The following ACBD6 variants were observed in gnomAD, a reference collection of about 807,000 sequenced individuals.
ACBD6 encodes acyl-CoA binding domain containing 6.
A neutral mutation model predicts 37.2 loss-of-function variants in ACBD6; 28 were observed. The observed-to-expected ratio is 0.75, with a 90% confidence interval of 0.56 to 1.03. The LOEUF is 1.03. ACBD6 is among the 50% of genes least tolerant of loss of function. The probability of loss-of-function intolerance (pLI) is 0.00; values close to 1 mark genes in which losing one functional copy is unlikely to be tolerated. For synonymous variants in ACBD6, 113 were observed against 126.8 expected, an observed-to-expected ratio of 0.89 and a Z score of 0.73; for missense variants, 340 against 337.4, an observed-to-expected ratio of 1.01 and a Z score of -0.06.
intron 3 of ACBD6, among the ~76,000 whole-genome samples, chr1:180,488,141 T>C (rs1651349067): frequency 6.6e-6 from 1 of 152,126 alleles, no homozygotes; most frequent in Admixed American, 6.6e-5. Flanking sequence ...TGTGTCTATG[T>C]GTAAAGAAAG....
intron 6 of ACBD6, among the ~76,000 whole-genome samples, chr1:180,347,294 C>T (rs990879312): frequency 1.3e-5 from 2 of 148,390 alleles, no homozygotes; most frequent in Admixed American, 6.7e-5. Context: ...TACGGCTACA[C>T]ATTTTAGAAG....
At chr1:180,316,512 A>G (rs979958965) in intron 6 of ACBD6, among the ~76,000 whole-genome samples, 5 of 152,158 alleles carry the variant, frequency 3.3e-5, no homozygotes, top group Non-Finnish European at 5.9e-5. Flanking sequence ...ACAATTATGT[A>G]TCTTTAGAAA....
intron 7 of ACBD6, among the ~76,000 whole-genome samples, chr1:180,306,013 C>A (rs1360963468): frequency 6.7e-6 from 1 of 150,004 alleles, no homozygotes; most frequent in Non-Finnish European, 1.5e-5. Flanking sequence ...AAACCAAACA[C>A]CGCATATTCT....
intron 1 of ACBD6, among the ~76,000 whole-genome samples, chr1:180,499,455 T>C (rs893932812): frequency 3.3e-5 from 5 of 152,218 alleles, no homozygotes; most frequent in Non-Finnish European, 5.9e-5. Context: ...ACATCCCTCC[T>C]TCATATTATC....
In ACBD6 at chr1:180,413,369, T is replaced by A; in HGVS notation, c.570A>T (p.Glu190Asp). Reference protein sequence around the residue: ...SKNVDVNVKDEEGRALLHWAC... With the variant: ...SKNVDVNVKDDEGRALLHWAC... ...TAACAGGGCATGTTTTTCATACCTCTTCATCTTTCACATTCACATCCACAT... is the reference window on the plus strand; with the variant it reads ...TAACAGGGCATGTTTTTCATACCTCATCATCTTTCACATTCACATCCACAT... Residue 190 changes from glutamate to aspartate, a missense_variant, in exon 5 of 8, where the codon GAA (glutamate) becomes GAT (aspartate). Transcript: ENST00000367595. The A allele has an allele frequency of 6.2e-7, 1 of 1,611,922 alleles. No individual in the cohort carries two copies. The highest frequency in any genetic ancestry group is 8.5e-7 in the Non-Finnish European group (1 of 1,178,272).
intron 6 of ACBD6, among the ~76,000 whole-genome samples, chr1:180,396,508 A>C (rs1416338999): frequency 6.6e-6 from 1 of 152,140 alleles, no homozygotes; most frequent in African/African-American, 2.4e-5. Flanking sequence ...ATAAAGAGAA[A>C]ACCCACAAAA....
chr1:180,492,378 A>G lies in ACBD6; in HGVS notation c.288-13T>C. 1 of 1,604,282 alleles carries G rather than the reference A, an allele frequency of 6.2e-7. No individual in the cohort carries two copies. The highest frequency in any genetic ancestry group is 8.5e-7 in the Non-Finnish European group (1 of 1,171,138). On this transcript the variant is annotated splice_polypyrimidine_tract_variant and intron_variant, in intron 2 of 7. Transcript: ENST00000367595. ...TTTCCAAGCTTCCCTACAATATGGA[A>G]TATCCAAAATGGCCTGTCATTATGC...
At chr1:180,339,141 G>C (rs908827654) in intron 6 of ACBD6, among the ~76,000 whole-genome samples, 5 of 152,172 alleles carry the variant, frequency 3.3e-5, no homozygotes, top group Non-Finnish European at 5.9e-5. Flanking sequence ...CAGGGATCTA[G>C]AACTAGAAAT....
At chr1:180,410,316 G>C (rs1647801861) in intron 5 of ACBD6, among the ~76,000 whole-genome samples, 1 of 152,194 alleles carries the variant, frequency 6.6e-6, no homozygotes, top group South Asian at 2.1e-4. Context: ...CGATAAAGGT[G>C]ACTACACTCA....
intron 3 of ACBD6, among the ~76,000 whole-genome samples, chr1:180,458,785 C>T (rs955858953): frequency 1.3e-5 from 2 of 152,096 alleles, no homozygotes; most frequent in Non-Finnish European, 2.9e-5. Flanking sequence ...AAGAGAAGTA[C>T]ATACTACAAA....
chr1:180,369,506 GAGAGATGATTATCGTATACCTC>G (rs1653177557), intron 6 of ACBD6, among the ~76,000 whole-genome samples: 1 of 152,172 alleles, frequency 6.6e-6, no homozygotes, highest in African/African-American at 2.4e-5. Flanking sequence ...GAGAGACACA[GAGAGATGATTATCGTATACCTC>G]AGCTTTCTTC....
At chr1:180,350,767 A>T (rs1394503674) in intron 6 of ACBD6, among the ~76,000 whole-genome samples, 1 of 152,190 alleles carries the variant, frequency 6.6e-6, no homozygotes, top group Non-Finnish European at 1.5e-5. Flanking sequence ...GCTCCCTAGT[A>T]ATCTCTCCCT....
chr1:180,283,804 C>T (rs1649385272), downstream of ACBD6, among the ~76,000 whole-genome samples: 1 of 152,054 alleles, frequency 6.6e-6, no homozygotes, highest in South Asian at 2.1e-4. Context: ...CTCCAAAACC[C>T]AAAACTGTTT....
intron 3 of ACBD6, among the ~76,000 whole-genome samples, chr1:180,457,367 C>A (rs1255086342): frequency 2.0e-5 from 3 of 152,200 alleles, no homozygotes; most frequent in Non-Finnish European, 4.4e-5. Flanking sequence ...TGCTGGTAGG[C>A]TGAACTGTTC....
intron 3 of ACBD6, among the ~76,000 whole-genome samples, chr1:180,460,640 G>A (rs1355546700): frequency 6.6e-6 from 1 of 152,224 alleles, no homozygotes; most frequent in Non-Finnish European, 1.5e-5. Context: ...GAAAATCTGA[G>A]GCAACTACGG....
intron 3 of ACBD6, among the ~76,000 whole-genome samples, chr1:180,467,478 A>C (rs1488623890): frequency 6.7e-6 from 1 of 149,988 alleles, no homozygotes; most frequent in Non-Finnish European, 1.5e-5. Context: ...AAAAACAAAA[A>C]CAAACAAACA....
chr1:180,410,027 C>G (rs1647792578), intron 5 of ACBD6, among the ~76,000 whole-genome samples: 1 of 152,192 alleles, frequency 6.6e-6, no homozygotes, highest in Non-Finnish European at 1.5e-5. Flanking sequence ...AGTAAAAAAG[C>G]CTTATTGCTG....
chr1:180,424,284 G>T (rs1557864131), intron 4 of ACBD6, among the ~76,000 whole-genome samples: 4 of 152,100 alleles, frequency 2.6e-5, no homozygotes, highest in Admixed American at 2.0e-4. Context: ...AAGATTAAGA[G>T]AAGTAATACA....
At chr1:180,398,049 T>A (rs1172884669) in intron 5 of ACBD6, among the ~76,000 whole-genome samples, 1 of 121,720 alleles carries the variant, frequency 8.2e-6, no homozygotes, top group Non-Finnish European at 1.7e-5. Context: ...CAAAACTCCA[T>A]CTCAAAAACT....
Sources: gnomAD v4.1 joint callset for allele counts (sites outside exome capture counted in the v4.1 genomes callset) on GRCh38, gnomAD v4.1.1 for gene constraint, MANE v1.5 for transcripts, NCBI Gene and HGNC (gene_info 2026-07-23, HGNC 2026-07-21) for gene names.